Variants in EPAS1 observed in about 807,000 individuals in gnomAD.
EPAS1 encodes the protein endothelial PAS domain protein 1.
In EPAS1, 23 loss-of-function variants were observed where a neutral mutation model predicts 87.9. The ratio of observed to expected loss-of-function variants is 0.26; its 90% CI spans 0.19 to 0.37. The LOEUF (loss-of-function observed/expected upper bound fraction) is 0.37, where lower values mean the gene tolerates loss of function less well. Among genes scored for constraint, EPAS1 ranks in the 10% least tolerant of loss-of-function variants. EPAS1 has a pLI of 1.00. For synonymous variants in EPAS1, 508 were observed against 444.3 expected (o/e 1.14, Z -1.80); for missense variants, 1,138 against 1,120.7 (o/e 1.02, Z -0.22).
chr2:46,345,693 A>C (rs375164777), intron 1 of EPAS1, among the ~76,000 whole-genome samples: 7 of 152,188 alleles, frequency 4.6e-5, no homozygotes. Flanking sequence ...TGTGATACCT[A>C]TAATAATAGT....
chr2:46,364,882 T>A lies in EPAS1; in HGVS notation c.779+3792T>A, dbSNP rs1161888965. Among the ~76,000 whole-genome samples the A allele has an allele frequency of 4.8e-4, 73 of 152,232 alleles. 1 individual carries two copies. Among genetic ancestry groups the A allele is most frequent in the Admixed American group, 4.8e-3 (73 of 15,286 alleles). ...TATGTAACTGTGTGCCAGAGACCAT[T>A]ACATCAAAGTAAAAGAGATGATTCC... is the stretch of plus-strand genomic sequence containing the variant. On this transcript the variant is annotated intron_variant, in intron 6 of 15. Transcript: ENST00000263734.
rs2103662586 is a variant in EPAS1 at position 46,375,806 on chromosome 2, C to G, written c.1003C>G (p.Gln335Glu). The change falls in exon 8 of 16, where the codon CAG becomes GAG. Residue 335 changes from glutamine to glutamate, a missense_variant. Gln to Glu is a conservative substitution (Grantham distance 29, BLOSUM62 2). Transcript: ENST00000263734. This position sits in a 1 kb window ranked among gnomAD's most constrained non-coding sequence, Gnocchi z 4.1. The stretch of plus-strand genomic sequence containing the variant: ...CTACAACCCTCGCAACCTGCAGCCC[C>G]AGTGCATCATGTGTGTCAACTACGT... ...VIYNPRNLQPQCIMCVNYVLS... is the reference protein window; with the variant it reads ...VIYNPRNLQPECIMCVNYVLS... The G allele has an allele frequency of 6.2e-7, 1 of 1,614,226 alleles. No homozygotes were observed. Among genetic ancestry groups the G allele is most frequent in the East Asian group, 2.2e-5 (1 of 44,882 alleles).
In EPAS1 at chr2:46,305,801, C is replaced by A. The variant is rs116661981; in HGVS notation, c.26+7864C>A. Among the ~76,000 whole-genome samples, 422 of 152,278 alleles carry A rather than the reference C, an allele frequency of 2.8e-3. 4 individuals carry two copies. The highest frequency in any genetic ancestry group is 3.2e-3 in the Non-Finnish European group (218 of 68,018). On this transcript the variant is annotated intron_variant, in intron 1 of 15. Transcript: ENST00000263734. ...AATCTTAACAAATTAGTGATTTTAT[C>A]TGGTTAGGCCGTGTAATCAAACACG...
intron 1 of EPAS1, among the ~76,000 whole-genome samples, chr2:46,328,054 T>C (rs1362696990): frequency 6.6e-6 from 1 of 152,230 alleles, no homozygotes; most frequent in Non-Finnish European, 1.5e-5. Flanking sequence ...AAATTTTTCT[T>C]CCAGTCTAAC....
intron 1 of EPAS1, among the ~76,000 whole-genome samples, chr2:46,329,193 C>G (rs764574333): frequency 1.3e-5 from 2 of 152,152 alleles, no homozygotes; most frequent in African/African-American, 2.4e-5. Context: ...AGGCCAGTGT[C>G]TGAAAGTGAA....
chr2:46,362,585 C>T (rs951277176), intron 6 of EPAS1, among the ~76,000 whole-genome samples: 4 of 152,172 alleles, frequency 2.6e-5, no homozygotes, highest in African/African-American at 7.2e-5. Context: ...CTCAGCCTCC[C>T]CTAGGCCTAC....
At chr2:46,298,002 G>A (rs1402182137) in intron 1 of EPAS1, 65 bp downstream of exon 1, 2 of 1,588,920 alleles carry the variant, frequency 1.3e-6, no homozygotes, top group Non-Finnish European at 1.7e-6. Flanking sequence ...CGCGGGGCAG[G>A]CGCGACCGAG....
intron 2 of EPAS1, among the ~76,000 whole-genome samples, chr2:46,352,633 C>T (rs1207814282): frequency 1.3e-5 from 2 of 152,186 alleles, no homozygotes; most frequent in East Asian, 3.8e-4. Flanking sequence ...TCACTCTCAG[C>T]TCCAAGCTGG....
intron 6 of EPAS1, among the ~76,000 whole-genome samples, chr2:46,366,300 T>G: frequency 6.6e-6 from 1 of 152,184 alleles, no homozygotes; most frequent in South Asian, 2.1e-4. Flanking sequence ...GAATAGAGCT[T>G]CTAAACAGTT....
At position 46,347,463 on chromosome 2, in the gene EPAS1, CAAG is replaced by C; in HGVS notation, c.217+404_217+406del. The C allele has an allele frequency of 3.4e-6, 1 of 295,638 alleles. No individual in the cohort carries two copies. Among genetic ancestry groups the C allele is most frequent in the South Asian group, 3.7e-5 (1 of 27,210 alleles). 18.3% of individuals were successfully genotyped at this position (295,638 alleles called of 1,614,324 possible). Reference sequence around the variant, plus strand: ...ACTTCCAGTGCCTTCTCCAGAACAGCAAGAAGGTGTGCCCGGATGATCTTTTCC... The same window carrying C: ...ACTTCCAGTGCCTTCTCCAGAACAGCAAGGTGTGCCCGGATGATCTTTTCC... On this transcript the variant is annotated intron_variant, in intron 2 of 15. Coordinates refer to ENST00000263734, the MANE Select transcript of EPAS1 (RefSeq NM_001430.5). This position sits in a 1 kb window ranked among gnomAD's most constrained non-coding sequence, Gnocchi z 4.2.
chr2:46,366,084 C>G (rs1365190181), intron 6 of EPAS1, among the ~76,000 whole-genome samples: 1 of 151,094 alleles, frequency 6.6e-6, no homozygotes, highest in Non-Finnish European at 1.5e-5. Flanking sequence ...CCAGATCTTG[C>G]GTGACTCCAG....
At chr2:46,303,067 C>T (rs1486611007) in intron 1 of EPAS1, among the ~76,000 whole-genome samples, 9 of 152,080 alleles carry the variant, frequency 5.9e-5, no homozygotes, top group East Asian at 1.9e-4. Flanking sequence ...AGCGAGACAA[C>T]GTCAAAGAAA....
chr2:46,347,906 T>G lies in EPAS1; in HGVS notation c.217+843T>G, dbSNP rs1359540337. ...ACGAGTTGTGCTCCTCCCCACCTGGTCTGGTGCCACAGGTGGGGACAGTGT... is the reference window on the plus strand; with the variant it reads ...ACGAGTTGTGCTCCTCCCCACCTGGGCTGGTGCCACAGGTGGGGACAGTGT... On this transcript the variant is annotated intron_variant, in intron 2 of 15. Transcript: ENST00000263734. This position sits in a 1 kb window ranked among gnomAD's most constrained non-coding sequence, Gnocchi z 4.2. Among the ~76,000 whole-genome samples the G allele has an allele frequency of 6.6e-6, 1 of 152,170 alleles. No individual in the cohort carries two copies. The highest frequency in any genetic ancestry group is 1.5e-5 in the Non-Finnish European group (1 of 68,020).
intron 1 of EPAS1, among the ~76,000 whole-genome samples, chr2:46,305,442 G>A (rs1433666076): frequency 6.6e-6 from 1 of 151,992 alleles, no homozygotes; most frequent in African/African-American, 2.4e-5. Context: ...TTTCCAGGAG[G>A]CACATTTCCC....
chr2:46,375,575 C>T lies in EPAS1; in HGVS notation c.887-115C>T. Reference sequence around the variant, plus strand: ...CTCCCTGGTCCTCACTGTCGTGGCGCCCTGTTCTGTCTGTTCCCCTGCAGA... The same window carrying T: ...CTCCCTGGTCCTCACTGTCGTGGCGTCCTGTTCTGTCTGTTCCCCTGCAGA... On this transcript the variant is annotated intron_variant, in intron 7 of 15. Coordinates refer to ENST00000263734, the MANE Select transcript of EPAS1 (RefSeq NM_001430.5). This position sits in a 1 kb window ranked among gnomAD's most constrained non-coding sequence, Gnocchi z 4.1. 7.5e-7 allele frequency: 1 copy of T among 1,332,380 alleles called. No homozygotes were observed. The highest frequency in any genetic ancestry group is 2.5e-5 in the East Asian group (1 of 39,764). 82.5% of individuals were successfully genotyped at this position (1,332,380 alleles called of 1,614,324 possible). A position where few individuals can be genotyped will look rare whatever the true frequency, so the allele number is the denominator to read the frequency against.
chr2:46,310,585 G>A (rs145959435), intron 1 of EPAS1, among the ~76,000 whole-genome samples: 155 of 152,334 alleles, frequency 1.0e-3, no homozygotes, highest in African/African-American at 3.7e-3. Context: ...AAAAGGAGCC[G>A]TCTTCCTGAA....
intron 1 of EPAS1, among the ~76,000 whole-genome samples, chr2:46,320,349 G>T (rs1683429666): frequency 6.6e-6 from 1 of 152,176 alleles, no homozygotes; most frequent in African/African-American, 2.4e-5. Flanking sequence ...GACTTAATTG[G>T]TCCTGGGAAT....
intron 1 of EPAS1, among the ~76,000 whole-genome samples, chr2:46,318,805 A>C (rs1185795692): frequency 6.6e-6 from 1 of 152,250 alleles, no homozygotes; most frequent in Non-Finnish European, 1.5e-5. Flanking sequence ...GAAGCACAAT[A>C]AAATGAGGTA....
intron 1 of EPAS1, among the ~76,000 whole-genome samples, chr2:46,305,991 C>T (rs917521070): frequency 3.9e-5 from 6 of 152,070 alleles, no homozygotes; most frequent in Non-Finnish European, 7.4e-5. Context: ...ATTTTTAGTC[C>T]GAGGTGCCCT....
Sources: allele counts gnomAD v4.1 joint callset (sites outside exome capture counted in the v4.1 genomes callset), GRCh38; gene constraint gnomAD v4.1.1; non-coding constraint Gnocchi (gnomAD v3.1); transcripts MANE v1.5; gene names NCBI Gene and HGNC (gene_info 2026-07-23, HGNC 2026-07-21).